Variants in AP3B1 observed in about 807,000 individuals in gnomAD.
AP3B1 encodes the protein adaptor related protein complex 3 subunit beta 1.
In AP3B1, 61 loss-of-function variants were observed where a neutral mutation model predicts 132.5. That is an observed-to-expected ratio of 0.46 (90% CI 0.37 to 0.57). AP3B1 has a LOEUF of 0.57. AP3B1 is among the 20% of genes least tolerant of loss of function. The pLI is 0.00. For synonymous variants in AP3B1, 388 were observed against 438.3 expected (o/e 0.89, Z 1.43); for missense variants, 1,120 against 1,289.4 (o/e 0.87, Z 2.01).
At chr5:78,074,285 C>T (rs1373122206) in intron 22 of AP3B1, among the ~76,000 whole-genome samples, 1 of 151,892 alleles carries the variant, frequency 6.6e-6, no homozygotes, top group Non-Finnish European at 1.5e-5. Flanking sequence ...GATGACATAC[C>T]TTAAGGTTTA....
At chr5:78,059,853 T>TA (rs1208755038) in intron 22 of AP3B1, among the ~76,000 whole-genome samples, 10 of 152,198 alleles carry the variant, frequency 6.6e-5, no homozygotes, top group African/African-American at 2.4e-4. Flanking sequence ...CTTTATTTAG[T>TA]ATGAATCTTT....
At chr5:78,068,597 G>A (rs1749394766) in intron 22 of AP3B1, among the ~76,000 whole-genome samples, 1 of 152,130 alleles carries the variant, frequency 6.6e-6, no homozygotes, top group Non-Finnish European at 1.5e-5. Context: ...TTCTGAAATT[G>A]AGGCAGTAAT....
chr5:78,110,467 T>C (rs1356171287), intron 19 of AP3B1, 113 bp from the exon 20 acceptor site: 1 of 749,508 alleles, frequency 1.3e-6, no homozygotes, highest in Non-Finnish European at 2.1e-6. Flanking sequence ...AAAAAAGGTA[T>C]TACCCATAAC....
At chr5:78,193,744 T>TTATATATA (rs10602406) in intron 7 of AP3B1, among the ~76,000 whole-genome samples, 31 of 110,386 alleles carry the variant, frequency 2.8e-4, no homozygotes, top group Admixed American at 7.1e-4. Context: ...ATATATTTTT[T>TTATATATA]TATATATATA....
At chr5:78,250,970 C>G (rs1436874288) in intron 2 of AP3B1, among the ~76,000 whole-genome samples, 1 of 151,934 alleles carries the variant, frequency 6.6e-6, no homozygotes, top group Non-Finnish European at 1.5e-5. Context: ...AAGACAGAGG[C>G]AAACAGAGGA....
chr5:78,282,320 GGCT>G (rs1749093022), intron 1 of AP3B1, among the ~76,000 whole-genome samples: 1 of 151,520 alleles, frequency 6.6e-6, no homozygotes, highest in East Asian at 1.9e-4. Context: ...ATGAGAAATA[GGCT>G]GCTTCTTCAA....
chr5:78,235,350 T>C (rs1055378342), intron 3 of AP3B1, among the ~76,000 whole-genome samples: 1 of 152,180 alleles, frequency 6.6e-6, no homozygotes, highest in African/African-American at 2.4e-5. Flanking sequence ...TTATGAACTC[T>C]AGAATATATC....
At chr5:78,257,308 C>CA (rs1747886753) in intron 2 of AP3B1, among the ~76,000 whole-genome samples, 1 of 152,064 alleles carries the variant, frequency 6.6e-6, no homozygotes, top group Non-Finnish European at 1.5e-5. Flanking sequence ...AACTGATAAA[C>CA]AAATTAAGTA....
intron 22 of AP3B1, among the ~76,000 whole-genome samples, chr5:78,063,290 G>A (rs747382812): frequency 1.3e-5 from 2 of 152,054 alleles, no homozygotes; most frequent in Non-Finnish European, 2.9e-5. Flanking sequence ...ATAGCAGTTC[G>A]GTGCTTATAG....
chr5:78,216,537 G>C (rs142970204), intron 6 of AP3B1, among the ~76,000 whole-genome samples: 1 of 151,996 alleles, frequency 6.6e-6, no homozygotes. Flanking sequence ...CATTAATCAC[G>C]CACATTTTTC....
At chr5:78,164,455 T>C (rs993582819) in intron 12 of AP3B1, among the ~76,000 whole-genome samples, 42 of 151,862 alleles carry the variant, frequency 2.8e-4, no homozygotes, top group African/African-American at 9.9e-4. Context: ...CCAGGAGACT[T>C]GATATAAGCA....
chr5:78,262,483 G>A (rs1748135466), intron 2 of AP3B1, among the ~76,000 whole-genome samples: 1 of 152,240 alleles, frequency 6.6e-6, no homozygotes, highest in African/African-American at 2.4e-5. Context: ...TTGTTGAAAA[G>A]ACTGTCCTTT....
Position 78,117,172 on chromosome 5 carries a change from CTTTTTTTT to C in AP3B1, c.1969-946_1969-939del, listed in dbSNP as rs70997968. On this transcript the variant is annotated intron_variant, in intron 17 of 26. Transcript: ENST00000255194. The stretch of plus-strand genomic sequence containing the variant: ...CACTTCCAACACCATTCCCCACCAC[CTTTTTTTT>C]TTTTTTTTTTTTAATCACAGCATGT... Among the ~76,000 whole-genome samples the C allele has an allele frequency of 6.3e-4, 77 of 122,214 alleles. 1 individual carries two copies. The highest frequency in any genetic ancestry group is 2.3e-3 in the African/African-American group (74 of 31,580). 80.2% of individuals were successfully genotyped at this position (122,214 alleles called of 152,430 possible). A position where few individuals can be genotyped will look rare whatever the true frequency, so the allele number is the denominator to read the frequency against.
chr5:78,021,035 C>T (rs1288316957), intron 24 of AP3B1, among the ~76,000 whole-genome samples: 2 of 151,650 alleles, frequency 1.3e-5, no homozygotes, highest in African/African-American at 4.8e-5. Context: ...AGTAAATTAT[C>T]CCATTTGAAA....
chr5:78,129,232 A>G lies in AP3B1; in HGVS notation c.1726T>C (p.Phe576Leu). Reference sequence around the variant, plus strand: ...TTCGGAACAATAAGCTGCCTAATAAATCTTGTACGGTCTCTGATGTCGTAG... The same window carrying G: ...TTCGGAACAATAAGCTGCCTAATAAGTCTTGTACGGTCTCTGATGTCGTAG... ...QNYDIRDRTR[F>L]IRQLIVPNVK... Residue 576 changes from phenylalanine (F) to leucine (L), a missense_variant, in exon 16 of 27, where the codon TTT becomes CTT. This residue lies in a region of AP3B1 where 906 missense variants were observed against 997.1 expected (regional missense o/e 0.91). Transcript: ENST00000255194. 6.2e-7 allele frequency: 1 copy of G among 1,613,454 alleles called. No homozygotes were observed. The highest frequency in any genetic ancestry group is 8.5e-7 in the Non-Finnish European group (1 of 1,179,452).
Position 78,100,950 on chromosome 5 carries a change from T to C in AP3B1, c.2470+3A>G. On this transcript the variant is annotated splice_donor_region_variant and intron_variant, in intron 21 of 26. Coordinates refer to ENST00000255194, the MANE Select transcript of AP3B1 (RefSeq NM_003664.5). The stretch of plus-strand genomic sequence containing the variant: ...AAGAAATATTTTAAATTACAATACT[T>C]ACAATCATCCAGATCTAGAAGTGAA... The C allele has an allele frequency of 6.6e-7, 1 of 1,523,414 alleles. No individual in the cohort carries two copies. The highest frequency in any genetic ancestry group is 9.1e-7 in the Non-Finnish European group (1 of 1,103,656). The allele number at this position is 1,523,414 out of a possible 1,614,324, so 94.4% of individuals were successfully genotyped here.
rs775160653 is a variant in AP3B1 at position 78,153,355 on chromosome 5, G to A, written c.1473+2903C>T. Reference sequence around the variant, plus strand: ...GGAAGAGACAGACATTTTGTCTGATGTAAGTATAGCAACACCTGCTCTTTT... The same window carrying A: ...GGAAGAGACAGACATTTTGTCTGATATAAGTATAGCAACACCTGCTCTTTT... On this transcript the variant is annotated intron_variant, in intron 14 of 26. Transcript: ENST00000255194. Among the ~76,000 whole-genome samples, 8 of 151,876 alleles carry A rather than the reference G, an allele frequency of 5.3e-5. No individual in the cohort carries two copies. In the South Asian group the frequency reaches 8.3e-4, roughly 16 times the overall value.
chr5:78,114,460 G>A (rs747591599), intron 18 of AP3B1, among the ~76,000 whole-genome samples: 7 of 152,086 alleles, frequency 4.6e-5, no homozygotes, highest in Non-Finnish European at 8.8e-5. Flanking sequence ...TTACTTATTC[G>A]AGCTAGTAAA....
chr5:78,285,110 G>C (rs1260767147), intron 1 of AP3B1, among the ~76,000 whole-genome samples: 2 of 150,904 alleles, frequency 1.3e-5, no homozygotes, highest in South Asian at 4.2e-4. Context: ...TTAGCTGGGC[G>C]TGGTGGAGGG....
Sources: gnomAD v4.1 joint callset for allele counts (sites outside exome capture counted in the v4.1 genomes callset) on GRCh38, gnomAD v4.1.1 for gene constraint, gnomAD v4.1.1 regional missense constraint, MANE v1.5 for transcripts, NCBI Gene and HGNC (gene_info 2026-07-23, HGNC 2026-07-21) for gene names.